The following GNPTAB variants were observed in gnomAD, a reference collection of about 807,000 sequenced individuals.
GNPTAB encodes the protein N-acetylglucosamine-1-phosphotransferase subunits alpha/beta.
In GNPTAB, 92 loss-of-function variants were observed where a neutral mutation model predicts 136.6. That is an observed-to-expected ratio of 0.67 (90% CI 0.57 to 0.80). GNPTAB has a LOEUF of 0.80. Among genes scored for constraint, GNPTAB ranks in the 30% least tolerant of loss-of-function variants. The pLI is 0.00. For synonymous variants in GNPTAB, 512 were observed against 535.1 expected (o/e 0.96, Z 0.60); for missense variants, 1,343 against 1,501.8 (o/e 0.89, Z 1.75).
chr12:101,785,832 C>T, intron 5 of GNPTAB, 180 bp downstream of exon 5: 1 of 601,234 alleles, frequency 1.7e-6, no homozygotes, highest in Non-Finnish European at 2.9e-6. Context: ...AAAATATATG[C>T]AGCAATCCCT....
chr12:101,756,159 G>C (rs935068153), intron 18 of GNPTAB: 4 of 154,996 alleles, frequency 2.6e-5, no homozygotes, highest in African/African-American at 9.7e-5. Flanking sequence ...TGCTTGGCTT[G>C]TGGGAAACAT....
chr12:101,751,614 G>C (rs182526187), intron 19 of GNPTAB, among the ~76,000 whole-genome samples: 1 of 152,340 alleles, frequency 6.6e-6, no homozygotes, highest in Admixed American at 6.5e-5. Flanking sequence ...TGGGAGTCAG[G>C]CTGGATCAGC....
intron 1 of GNPTAB, among the ~76,000 whole-genome samples, chr12:101,798,763 A>C (rs1869443248): frequency 6.6e-6 from 1 of 152,108 alleles, no homozygotes; most frequent in South Asian, 2.1e-4. Context: ...AATTATCTCC[A>C]CGTGAGCAGT....
rs79076000 is a variant in GNPTAB, at chr12:101,801,822, C to T, written c.118-5060G>A. Among the ~76,000 whole-genome samples the T allele has an allele frequency of 8.2e-3, 1,244 of 152,042 alleles. 18 individuals are homozygous for T. The highest frequency in any genetic ancestry group is 0.028 in the African/African-American group (1,174 of 41,462). ...CTTTGCAAGGCCAAGAAGGGAGGAT[C>T]GATTGAAGTCGGGCATTCGAGACCA... On this transcript the variant is annotated intron_variant, in intron 1 of 20. Transcript: ENST00000299314.
rs34159654 is a variant in GNPTAB, at chr12:101,830,666, T to G, written c.10A>C (p.Lys4Gln). 3.6e-5 allele frequency: 57 copies of G among 1,590,974 alleles called. No individual in the cohort carries two copies. Among genetic ancestry groups the G allele is most frequent in the Non-Finnish European group, 4.8e-5 (56 of 1,160,254 alleles). MLF[K>Q]LLQRQTYTCL... ...GTATAGGTCTGTCTCTGCAGGAGCTTGAACAGCATCACCCCTTCACCGCCA... is the reference window on the plus strand; with the variant it reads ...GTATAGGTCTGTCTCTGCAGGAGCTGGAACAGCATCACCCCTTCACCGCCA... The change falls in exon 1 of 21, where the codon AAG becomes CAG. Residue 4 changes from lysine to glutamine, a missense_variant. By Grantham distance (53) the Lys-to-Gln change is moderately conservative (BLOSUM62 1). Transcript: ENST00000299314.
intron 1 of GNPTAB, among the ~76,000 whole-genome samples, chr12:101,809,340 T>C (rs1870102566): frequency 6.6e-6 from 1 of 152,230 alleles, no homozygotes; most frequent in Admixed American, 6.5e-5. Flanking sequence ...CTGGTGGGAA[T>C]TCAAATGGTG....
intron 18 of GNPTAB, among the ~76,000 whole-genome samples, chr12:101,754,082 G>C (rs1283868709): frequency 6.6e-6 from 1 of 151,958 alleles, no homozygotes; most frequent in Admixed American, 6.6e-5. Context: ...CTGGGAGGGA[G>C]AGGCTGCAGT....
intron 19 of GNPTAB, among the ~76,000 whole-genome samples, chr12:101,751,790 G>C (rs142838375): frequency 1.3e-5 from 2 of 152,164 alleles, no homozygotes; most frequent in African/African-American, 2.4e-5. Flanking sequence ...CTACTCTGAC[G>C]GCAGTGATGA....
chr12:101,759,320 G>T (rs889898381), intron 16 of GNPTAB, among the ~76,000 whole-genome samples: 1 of 131,580 alleles, frequency 7.6e-6, no homozygotes, highest in Non-Finnish European at 1.5e-5. Flanking sequence ...CCAAGATAGC[G>T]CCACTGCACT....
chr12:101,825,218 A>G (rs1484204662), intron 1 of GNPTAB, among the ~76,000 whole-genome samples: 2 of 152,236 alleles, frequency 1.3e-5, no homozygotes, highest in African/African-American at 4.8e-5. Context: ...CAAAGGCATG[A>G]GCTATAATTA....
chr12:101,805,581 AG>A (rs1869889610), intron 1 of GNPTAB, among the ~76,000 whole-genome samples: 1 of 152,258 alleles, frequency 6.6e-6, no homozygotes. Flanking sequence ...TTTTTTGTCA[AG>A]ATGGGGTTTC....
At chr12:101,769,384 T>G (rs1417166698) in intron 10 of GNPTAB, among the ~76,000 whole-genome samples, 1 of 152,190 alleles carries the variant, frequency 6.6e-6, no homozygotes, top group Non-Finnish European at 1.5e-5. Context: ...TTTGGCCATT[T>G]TGCTGATATT....
chr12:101,797,353 G>A (rs956744657), intron 1 of GNPTAB, among the ~76,000 whole-genome samples: 8 of 152,184 alleles, frequency 5.3e-5, no homozygotes, highest in South Asian at 4.1e-4. Context: ...GGCCGGGCAC[G>A]GTGGCTCACG....
chr12:101,779,301 T>G (rs1953304007), intron 7 of GNPTAB: 1 of 152,214 alleles, frequency 6.6e-6, no homozygotes. Context: ...GACAAGGACT[T>G]TATGCTCTCT....
At chr12:101,775,497 T>TG (rs1197642500) in intron 7 of GNPTAB, among the ~76,000 whole-genome samples, 4 of 151,914 alleles carry the variant, frequency 2.6e-5, no homozygotes, top group African/African-American at 4.8e-5. Flanking sequence ...GTAGCTGGGA[T>TG]TACAGGCACA....
At chr12:101,822,066 G>C (rs550875846) in intron 1 of GNPTAB, among the ~76,000 whole-genome samples, 44 of 152,312 alleles carry the variant, frequency 2.9e-4, no homozygotes, top group African/African-American at 9.4e-4. Context: ...GACCACTCCT[G>C]AGCACGGCGG....
chr12:101,797,491 G>A lies in GNPTAB; in HGVS notation c.118-729C>T, dbSNP rs553778344. On this transcript the variant is annotated intron_variant, in intron 1 of 20. Transcript: ENST00000299314. ...ATACAAAAAATTAGCTGGGCATGGC[G>A]GCATGCGCCTGCAGTCCCAGCTACT... Among the ~76,000 whole-genome samples, 29 of 152,196 alleles carry A rather than the reference G, an allele frequency of 1.9e-4. No individual in the cohort carries two copies. The South Asian group carries it at 3.3e-3, about 17-fold the overall frequency.
chr12:101,783,472 A>G (rs909516650), intron 5 of GNPTAB, among the ~76,000 whole-genome samples: 4 of 152,234 alleles, frequency 2.6e-5, no homozygotes, highest in Admixed American at 1.3e-4. Flanking sequence ...ATAAGGAAGC[A>G]GTTTGTGGTT....
At chr12:101,811,294 C>T (rs1046986196) in intron 1 of GNPTAB, among the ~76,000 whole-genome samples, 2 of 152,126 alleles carry the variant, frequency 1.3e-5, no homozygotes, top group African/African-American at 4.8e-5. Context: ...TGAAAATAGC[C>T]ACGGACAGCA....
Sources: allele counts gnomAD v4.1 joint callset (sites outside exome capture counted in the v4.1 genomes callset), GRCh38; gene constraint gnomAD v4.1.1; transcripts MANE v1.5; gene names NCBI Gene and HGNC (gene_info 2026-07-23, HGNC 2026-07-21).